PPP4R2: variants seen among roughly 807,000 people sequenced by gnomAD.
PPP4R2 encodes the protein serine/threonine-protein phosphatase 4 regulatory subunit 2.
PPP4R2 carries 13 observed loss-of-function variants against 47.2 expected under a neutral mutation model. The observed-to-expected ratio is 0.28, with a 90% confidence interval of 0.18 to 0.44. PPP4R2 has a LOEUF of 0.44. Among genes scored for constraint, PPP4R2 ranks in the 20% least tolerant of loss-of-function variants. PPP4R2 has a pLI of 1.00. For missense variants in PPP4R2, 421 were observed against 491.2 expected (o/e 0.86, Z 1.35); for synonymous variants, 151 against 163.3 (o/e 0.92, Z 0.57).
chr3:73,000,822 T>C (rs1370565655), intron 2 of PPP4R2, among the ~76,000 whole-genome samples: 3 of 152,232 alleles, frequency 2.0e-5, no homozygotes, highest in Non-Finnish European at 4.4e-5. Context: ...ATATATAGTA[T>C]GCGCTGAATA....
intron 2 of PPP4R2, among the ~76,000 whole-genome samples, chr3:73,040,744 CT>C: frequency 6.6e-6 from 1 of 152,202 alleles, no homozygotes; most frequent in African/African-American, 2.4e-5. Flanking sequence ...AACTGCTGAT[CT>C]CAGGTGATCT....
At chr3:73,028,292 G>T (rs1052247397) in intron 2 of PPP4R2, among the ~76,000 whole-genome samples, 5 of 150,048 alleles carry the variant, frequency 3.3e-5, no homozygotes, top group Middle Eastern at 3.4e-3. Flanking sequence ...GTCTTACTCA[G>T]CCTCCCAAAG....
chr3:73,014,352 C>G lies in PPP4R2; in HGVS notation c.116+16194C>G, dbSNP rs1308205716. ...CCAGGCTGGAGTGCAGTGGCATGAT[C>G]ATAGCTTACTGCAACCTCAAACTCC... On this transcript the variant is annotated intron_variant, in intron 2 of 8. Transcript: ENST00000356692. Among the ~76,000 whole-genome samples, 3 of 70,280 alleles carry G rather than the reference C, an allele frequency of 4.3e-5. 1 individual carries two copies. The highest frequency in any genetic ancestry group is 1.2e-4 in the Non-Finnish European group (3 of 24,616). 46.1% of individuals were successfully genotyped at this position (70,280 alleles called of 152,430 possible). A position where few individuals can be genotyped will look rare whatever the true frequency, so the allele number is the denominator to read the frequency against.
chr3:73,011,147 G>A (rs1701717396), intron 2 of PPP4R2, among the ~76,000 whole-genome samples: 1 of 152,142 alleles, frequency 6.6e-6, no homozygotes, highest in Non-Finnish European at 1.5e-5. Context: ...CTCCTCTACT[G>A]TAACAGTGCC....
At chr3:73,039,998 G>A (rs767520835) in intron 2 of PPP4R2, among the ~76,000 whole-genome samples, 1 of 152,190 alleles carries the variant, frequency 6.6e-6, no homozygotes, top group African/African-American at 2.4e-5. Context: ...AGGTTGTAGT[G>A]AGCCGAGATC....
At chr3:73,004,195 T>G (rs1379338040) in intron 2 of PPP4R2, among the ~76,000 whole-genome samples, 3 of 142,740 alleles carry the variant, frequency 2.1e-5, no homozygotes, top group Non-Finnish European at 4.6e-5. Flanking sequence ...TTTTTTTTTT[T>G]GCCCCCCTTT....
chr3:73,064,776 A>G, intron 7 of PPP4R2, 76 bp from the exon 8 acceptor site: 1 of 1,267,954 alleles, frequency 7.9e-7, no homozygotes, highest in Non-Finnish European at 1.1e-6. Context: ...TTAAAACATT[A>G]TTTAACCTTA....
intron 2 of PPP4R2, among the ~76,000 whole-genome samples, chr3:73,036,607 A>T (rs990510924): frequency 2.2e-4 from 34 of 152,214 alleles, no homozygotes; most frequent in African/African-American, 7.7e-4. Flanking sequence ...TAGCGTTGAC[A>T]TGTTCATTTT....
Position 73,068,321 on chromosome 3 carries a change from A to G in PPP4R2, c.*2599A>G, listed in dbSNP as rs547739466. ...AGATTGCTTACCTGTTCTCTAGACTATAACCCAACATGTAAAAAAAATTTG... is the reference window on the plus strand; with the variant it reads ...AGATTGCTTACCTGTTCTCTAGACTGTAACCCAACATGTAAAAAAAATTTG... On this transcript the variant is annotated 3_prime_UTR_variant, in exon 9 of 9. Coordinates refer to ENST00000356692, the MANE Select transcript of PPP4R2 (RefSeq NM_174907.4). The G allele has an allele frequency of 2.6e-5, 4 of 152,286 alleles. No homozygotes were observed. Among genetic ancestry groups the G allele is most frequent in the African/African-American group, 9.6e-5 (4 of 41,560 alleles). The allele number at this position is 152,286 out of a possible 1,614,324, so 9.4% of individuals were successfully genotyped here.
intron 5 of PPP4R2, chr3:73,063,409 A>C (rs1210172007): frequency 3.4e-6 from 1 of 295,064 alleles, no homozygotes; most frequent in Non-Finnish European, 6.5e-6. Context: ...CGATCACTTG[A>C]GGTCATGAGT....
chr3:73,005,318 C>T (rs1472721532), intron 2 of PPP4R2, among the ~76,000 whole-genome samples: 2 of 144,688 alleles, frequency 1.4e-5, no homozygotes, highest in Non-Finnish European at 3.0e-5. Context: ...AGTCATTGTA[C>T]TCAGGTATAT....
intron 2 of PPP4R2, among the ~76,000 whole-genome samples, chr3:73,031,514 C>T (rs1320315473): frequency 1.3e-5 from 2 of 151,880 alleles, no homozygotes; most frequent in Non-Finnish European, 2.9e-5. Context: ...GGCACTCCAC[C>T]CTGGGCAACA....
intron 5 of PPP4R2, chr3:73,062,191 T>G: frequency 6.4e-7 from 1 of 1,568,126 alleles, no homozygotes; most frequent in Non-Finnish European, 8.6e-7. Flanking sequence ...CTTAACAAAA[T>G]TAAAGAATTA....
chr3:73,015,118 A>T (rs1701797090), intron 2 of PPP4R2: 1 of 443,194 alleles, frequency 2.3e-6, no homozygotes, highest in Non-Finnish European at 4.0e-6. Flanking sequence ...AGATCTCAGA[A>T]ATGTCATAAA....
At chr3:73,032,527 T>C (rs1226581994) in intron 2 of PPP4R2, among the ~76,000 whole-genome samples, 1 of 152,206 alleles carries the variant, frequency 6.6e-6, no homozygotes, top group Non-Finnish European at 1.5e-5. Flanking sequence ...GACCTTGTGA[T>C]CTGCCCGCCC....
chr3:73,055,944 C>T (rs749934277), intron 3 of PPP4R2, among the ~76,000 whole-genome samples: 33 of 152,224 alleles, frequency 2.2e-4, no homozygotes, highest in Admixed American at 4.6e-4. Flanking sequence ...TGCTAATGAA[C>T]ATCTGATCAC....
chr3:73,062,044 T>C (rs1702870666), intron 5 of PPP4R2: 4 of 1,432,244 alleles, frequency 2.8e-6, no homozygotes, highest in Non-Finnish European at 9.3e-7. Context: ...TTTGGAAAAA[T>C]GGTAAAGAAG....
At chr3:73,049,569 T>C (rs1702567692) in intron 3 of PPP4R2, among the ~76,000 whole-genome samples, 1 of 152,036 alleles carries the variant, frequency 6.6e-6, no homozygotes, top group Middle Eastern at 3.2e-3. Flanking sequence ...TTAGACATAG[T>C]GAGTCGTCTT....
intron 2 of PPP4R2, among the ~76,000 whole-genome samples, chr3:73,005,722 G>A (rs1168707388): frequency 6.6e-6 from 1 of 151,550 alleles, no homozygotes; most frequent in Non-Finnish European, 1.5e-5. Flanking sequence ...GTGCATGCTT[G>A]TAATCCCAGC....
Sources: allele counts gnomAD v4.1 joint callset (sites outside exome capture counted in the v4.1 genomes callset), GRCh38; gene constraint gnomAD v4.1.1; transcripts MANE v1.5; gene names NCBI Gene and HGNC (gene_info 2026-07-23, HGNC 2026-07-21).